PUS7L: variants seen among roughly 807,000 people sequenced by gnomAD.
PUS7L encodes pseudouridine synthase 7 like, also known as pseudouridylate synthase PUS7L.
Under a neutral mutation model 51.1 loss-of-function variants are expected in PUS7L, and 49 were observed. The ratio of observed to expected loss-of-function variants is 0.96; its 90% CI spans 0.76 to 1.22. The LOEUF (loss-of-function observed/expected upper bound fraction) is 1.22. Among genes scored for constraint, PUS7L ranks in the 50% most tolerant of loss-of-function variants. The pLI is 0.00. For synonymous variants in PUS7L, 277 were observed against 276.2 expected, an observed-to-expected ratio of 1.00 and a Z score of -0.03; for missense variants, 828 against 820.6, an observed-to-expected ratio of 1.01 and a Z score of -0.11.
At position 43,736,645 on chromosome 12, in the gene PUS7L, T is replaced by G. The variant is rs760344486; in HGVS notation, c.1461A>C (p.Thr487=). The change falls in exon 7 of 9, where the codon ACA becomes ACC. Residue 487 remains threonine, a synonymous_variant. Transcript: ENST00000344862. ...CTTTGAATTCAGGCATCAATGAAAGTGTGCCTTTAGCATCCTCTGAAACAA... is the reference window on the plus strand; with the variant it reads ...CTTTGAATTCAGGCATCAATGAAAGGGTGCCTTTAGCATCCTCTGAAACAA... ...YFLQTEDAKG[T]LSLMPEFKVR... 2 of 1,613,698 alleles carry G rather than the reference T, an allele frequency of 1.2e-6. No homozygotes were observed. Among genetic ancestry groups the G allele is most frequent in the African/African-American group, 2.7e-5 (2 of 74,864 alleles).
intron 1 of PUS7L, chr12:43,758,336 T>C (rs1592192891): frequency 4.1e-6 from 4 of 985,354 alleles, no homozygotes; most frequent in East Asian, 1.1e-4. Flanking sequence ...AGGTGCAGTA[T>C]TCCCATTCAA....
At position 43,727,202 on chromosome 12, in the gene PUS7L, C is replaced by T. The variant is rs1409796221; in HGVS notation, c.*3174G>A. ...CAAAAAATAACAGATGTTGGGGAGG[C>T]TGCAGAGAAAAGGGAATGCTATACA... On this transcript the variant is annotated 3_prime_UTR_variant, in exon 9 of 9. Transcript: ENST00000344862. The T allele has an allele frequency of 6.6e-6, 1 of 152,078 alleles. No homozygotes were observed. The highest frequency in any genetic ancestry group is 2.4e-5 in the African/African-American group (1 of 41,408). The allele number at this position is 152,078 out of a possible 1,614,324, so 9.4% of individuals were successfully genotyped here.
rs545162756 is a variant in PUS7L, at chr12:43,750,711, A to T, written c.911-2102T>A. 1.1e-4 allele frequency among the ~76,000 whole-genome samples: 17 copies of T among 152,298 alleles called. No homozygotes were observed. The South Asian group carries it at 3.5e-3, about 32-fold the overall frequency. ...GAGACTGGCAAATAGGTACCACAAA[A>T]CTGTAATCTAAAAGAAAAGAAAAAC... is the stretch of plus-strand genomic sequence containing the variant. On this transcript the variant is annotated intron_variant, in intron 2 of 8. Coordinates refer to ENST00000344862, the MANE Select transcript of PUS7L (RefSeq NM_031292.5).
chr12:43,733,541 C>G (rs1392887574), intron 7 of PUS7L, among the ~76,000 whole-genome samples: 1 of 152,280 alleles, frequency 6.6e-6, no homozygotes, highest in Non-Finnish European at 1.5e-5. Context: ...ATTCCAATCA[C>G]AAAACTATCC....
In PUS7L at chr12:43,754,689, A is replaced by G; in HGVS notation, c.557T>C (p.Leu186Ser). The change falls in exon 2 of 9, where the codon TTA becomes TCA. Residue 186 changes from leucine to serine, a missense_variant. By Grantham distance (145) the Leu-to-Ser change is moderately radical (BLOSUM62 -2). Transcript: ENST00000344862. ...HSAIRQKFPF[L>S]VTVGKNSEIV... Reference sequence around the variant, plus strand: ...TTCACTGTTTTTTCCTACAGTTACTAAAAATGGAAATTTCTGCCTAATGGC... The same window carrying G: ...TTCACTGTTTTTTCCTACAGTTACTGAAAATGGAAATTTCTGCCTAATGGC... 7 of 1,613,820 alleles carry G rather than the reference A, an allele frequency of 4.3e-6. No individual in the cohort carries two copies. The highest frequency in any genetic ancestry group is 5.9e-6 in the Non-Finnish European group (7 of 1,179,792).
At chr12:43,735,078 G>A (rs1944652385) in intron 7 of PUS7L, among the ~76,000 whole-genome samples, 1 of 152,134 alleles carries the variant, frequency 6.6e-6, no homozygotes, top group African/African-American at 2.4e-5. Flanking sequence ...CACTTTGGGA[G>A]GCCGAGGCGG....
chr12:43,747,705 A>G (rs1357286045), intron 3 of PUS7L, among the ~76,000 whole-genome samples: 1 of 152,194 alleles, frequency 6.6e-6, no homozygotes, highest in Non-Finnish European at 1.5e-5. Context: ...AAAAAATAAT[A>G]AATAATAAAA....
chr12:43,722,520 T>A lies in PUS7L; in HGVS notation c.*7856A>T, dbSNP rs919668230. The A allele has an allele frequency of 6.6e-6, 1 of 152,138 alleles. No individual in the cohort carries two copies. Among genetic ancestry groups the A allele is most frequent in the African/African-American group, 2.4e-5 (1 of 41,464 alleles). The allele number at this position is 152,138 out of a possible 1,614,324, so 9.4% of individuals were successfully genotyped here. ...GCTATTGCCTCCTAAATGTGAAAAT[T>A]ATATTATTATTTACATAGAATAAAA... On this transcript the variant is annotated 3_prime_UTR_variant, in exon 9 of 9. Coordinates refer to ENST00000344862, the MANE Select transcript of PUS7L (RefSeq NM_031292.5).
rs1276556413 is a variant in PUS7L, at chr12:43,730,402, TCAGA to T, written c.2076_2079del (p.Cys692Ter). 1 of 1,613,378 alleles carries T rather than the reference TCAGA, an allele frequency of 6.2e-7. No individual in the cohort carries two copies. Among genetic ancestry groups the T allele is most frequent in the African/African-American group, 1.3e-5 (1 of 74,898 alleles). ...TAAACGTCATGCTTCATTATTTCCTTCAGACAAACGGTAGCATAGCATGAAGCAT... is the reference window on the plus strand; with the variant it reads ...TAAACGTCATGCTTCATTATTTCCTTCAAACGGTAGCATAGCATGAAGCAT... On this transcript the variant is annotated frameshift_variant, in exon 9 of 9. Coordinates refer to ENST00000344862, the MANE Select transcript of PUS7L (RefSeq NM_031292.5). LOFTEE classifies it high-confidence loss of function.
intron 4 of PUS7L, among the ~76,000 whole-genome samples, chr12:43,745,753 A>T (rs937217923): frequency 2.0e-5 from 3 of 152,070 alleles, no homozygotes; most frequent in South Asian, 4.1e-4. Context: ...GCAGATGCTT[A>T]AAAAAAATCT....
In PUS7L at chr12:43,746,222, T is replaced by G; in HGVS notation, c.1087A>C (p.Lys363Gln). The G allele has an allele frequency of 7.7e-7, 1 of 1,293,318 alleles. No individual in the cohort carries two copies. Among genetic ancestry groups the G allele is most frequent in the South Asian group, 1.4e-5 (1 of 72,962 alleles). 80.1% of individuals were successfully genotyped at this position (1,293,318 alleles called of 1,614,324 possible). A position where few individuals can be genotyped will look rare whatever the true frequency, so the allele number is the denominator to read the frequency against. The stretch of plus-strand genomic sequence containing the variant: ...TTCATTCTTTTCTTTTCAATTTCTT[T>G]TTCAATATTTTTCAACCTGTAAGTA... ...VTPERLKNIE[K>Q]EIEKKRMNVF... The change falls in exon 4 of 9, where the codon AAA becomes CAA. Residue 363 changes from lysine (K) to glutamine (Q), a missense_variant. Lys to Gln is a moderately conservative substitution (Grantham distance 53). Transcript: ENST00000344862.
chr12:43,738,628 T>C (rs947175632), intron 5 of PUS7L, among the ~76,000 whole-genome samples: 1 of 152,166 alleles, frequency 6.6e-6, no homozygotes, highest in Non-Finnish European at 1.5e-5. Context: ...GAAAAAAGTA[T>C]TTCCCTATCA....
At chr12:43,744,364 G>A (rs1938061843) in intron 4 of PUS7L, among the ~76,000 whole-genome samples, 1 of 152,116 alleles carries the variant, frequency 6.6e-6, no homozygotes, top group African/African-American at 2.4e-5. Context: ...GTTCTCATGA[G>A]AGTGAGTTCT....
In PUS7L at chr12:43,724,000, C is replaced by T. The variant is rs574699629; in HGVS notation, c.*6376G>A. The T allele has an allele frequency of 1.1e-4, 16 of 151,916 alleles. No individual in the cohort carries two copies. The highest frequency in any genetic ancestry group is 3.4e-3 in the Middle Eastern group (1 of 294). The allele number at this position is 151,916 out of a possible 1,614,324, so 9.4% of individuals were successfully genotyped here. On this transcript the variant is annotated 3_prime_UTR_variant, in exon 9 of 9. Coordinates refer to ENST00000344862, the MANE Select transcript of PUS7L (RefSeq NM_031292.5). The stretch of plus-strand genomic sequence containing the variant: ...TTATGCAATCTTCAGTGTTTTTAAC[C>T]GCAAAATAATACACAAATATACTCA...
chr12:43,744,534 TA>T (rs1298794139), intron 4 of PUS7L, among the ~76,000 whole-genome samples: 5 of 152,196 alleles, frequency 3.3e-5, no homozygotes, highest in African/African-American at 1.2e-4. Flanking sequence ...GTGAGTTAAT[TA>T]AAGCACTTTT....
At chr12:43,752,607 T>C (rs777825816) in intron 2 of PUS7L, among the ~76,000 whole-genome samples, 3 of 152,206 alleles carry the variant, frequency 2.0e-5, no homozygotes, top group Non-Finnish European at 4.4e-5. Context: ...CTCGACAACA[T>C]ACTAAGTGAA....
intron 1 of PUS7L, 59 bp downstream of exon 1, chr12:43,758,660 CCCCCCCACACA>C: frequency 1.6e-5 from 12 of 740,448 alleles, no homozygotes; most frequent in South Asian, 7.2e-5. Context: ...CGTCACCCCC[CCCCCCCACACA>C]CACACACACA....
intron 4 of PUS7L, among the ~76,000 whole-genome samples, chr12:43,743,189 G>T (rs987027908): frequency 1.3e-5 from 2 of 152,108 alleles, no homozygotes; most frequent in African/African-American, 4.8e-5. Context: ...TTTTAAAACT[G>T]TCACATTACT....
chr12:43,746,441 T>A (rs1938175554), intron 3 of PUS7L, among the ~76,000 whole-genome samples: 1 of 152,212 alleles, frequency 6.6e-6, no homozygotes. Context: ...AGAACTATTT[T>A]AAAAACTTGA....
Sources: gnomAD v4.1 joint callset for allele counts (sites outside exome capture counted in the v4.1 genomes callset) on GRCh38, gnomAD v4.1.1 for gene constraint, MANE v1.5 for transcripts, NCBI Gene and HGNC (gene_info 2026-07-23, HGNC 2026-07-21) for gene names.